The following DGKG variants were observed in gnomAD, a reference collection of about 807,000 sequenced individuals.
The protein encoded by DGKG is DAG kinase gamma.
A neutral mutation model predicts 105.3 loss-of-function variants in DGKG; 78 were observed. That is an observed-to-expected ratio of 0.74 (90% CI 0.62 to 0.89). The LOEUF (loss-of-function observed/expected upper bound fraction) is 0.89. Among genes scored for constraint, DGKG ranks in the 40% least tolerant of loss-of-function variants. The probability of loss-of-function intolerance (pLI) is 0.00; values close to 1 mark genes in which losing one functional copy is unlikely to be tolerated. For synonymous variants in DGKG, 346 were observed against 367.1 expected (o/e 0.94, Z 0.66); for missense variants, 958 against 1,020.1 (o/e 0.94, Z 0.83).
intron 1 of DGKG, among the ~76,000 whole-genome samples, chr3:186,338,147 G>A (rs1213158235): frequency 7.0e-6 from 1 of 142,400 alleles, no homozygotes; most frequent in Non-Finnish European, 1.5e-5. Context: ...TCTAGCCCAG[G>A]CAACAGAGTG....
At chr3:186,335,353 A>G (rs1024444960) in intron 1 of DGKG, among the ~76,000 whole-genome samples, 1 of 152,110 alleles carries the variant, frequency 6.6e-6, no homozygotes, top group African/African-American at 2.4e-5. Context: ...TCTACTCTCT[A>G]TGCTTCAAGT....
Position 186,251,460 on chromosome 3 carries a change from G to A in DGKG, c.1761+299C>T, listed in dbSNP as rs186275205. On this transcript the variant is annotated intron_variant, in intron 19 of 24. Transcript: ENST00000265022. ...TTATTTCTTGGTGTTGCTTTTCTACGACTGCTACAAATTGCAGAAGGAGAA... is the reference window on the plus strand; with the variant it reads ...TTATTTCTTGGTGTTGCTTTTCTACAACTGCTACAAATTGCAGAAGGAGAA... 2.4e-3 allele frequency among the ~76,000 whole-genome samples: 363 copies of A among 152,252 alleles called. 1 individual carries two copies. Among genetic ancestry groups the A allele is most frequent in the Non-Finnish European group, 4.0e-3 (274 of 68,020 alleles).
intron 22 of DGKG, among the ~76,000 whole-genome samples, chr3:186,185,544 G>A (rs570251746): frequency 3.3e-5 from 5 of 152,220 alleles, no homozygotes; most frequent in African/African-American, 7.2e-5. Flanking sequence ...GTGGAGAGTC[G>A]AAGTGGGGAG....
At chr3:186,157,677 G>A (rs1421876382) in intron 24 of DGKG, among the ~76,000 whole-genome samples, 1 of 152,104 alleles carries the variant, frequency 6.6e-6, no homozygotes, top group Non-Finnish European at 1.5e-5. Context: ...AAGTTCATTA[G>A]AATCAAGATG....
intron 1 of DGKG, among the ~76,000 whole-genome samples, chr3:186,331,016 G>A (rs1226289551): frequency 6.6e-6 from 1 of 152,174 alleles, no homozygotes. Context: ...TGCTTGAACT[G>A]CAACTTATTC....
At position 186,267,706 on chromosome 3, in the gene DGKG, G is replaced by A. The variant is rs1472038429; in HGVS notation, c.1188C>T (p.Thr396=). The change falls in exon 13 of 25, where the codon ACC becomes ACT. Residue 396 remains threonine (T), a synonymous_variant. Coordinates refer to ENST00000265022, the MANE Select transcript of DGKG (RefSeq NM_001346.3). ...GELRDHILLP[T]SICPITRDRP... is the part of the protein sequence containing the mutation. ...TTACCCGGGTGATGGGGCATATGGA[G>A]GTGGGCAGTAAGATGTGGTCTCTGA... is the stretch of plus-strand genomic sequence containing the variant. 2 of 1,614,108 alleles carry A rather than the reference G, an allele frequency of 1.2e-6. No homozygotes were observed. The highest frequency in any genetic ancestry group is 2.2e-5 in the East Asian group (1 of 44,884).
chr3:186,161,857 G>A (rs1716306178), intron 23 of DGKG, among the ~76,000 whole-genome samples, 194 bp from the exon 24 acceptor site: 1 of 152,116 alleles, frequency 6.6e-6, no homozygotes. Context: ...CAGGTCTGGG[G>A]GCCAGGCCCA....
chr3:186,341,855 T>C (rs1458029000), intron 1 of DGKG, among the ~76,000 whole-genome samples: 1 of 152,192 alleles, frequency 6.6e-6, no homozygotes, highest in Non-Finnish European at 1.5e-5. Flanking sequence ...GATGAGTTCA[T>C]GTCCTTTGTA....
chr3:186,272,079 T>C (rs1722342385), intron 11 of DGKG, among the ~76,000 whole-genome samples, 176 bp downstream of exon 11: 1 of 152,146 alleles, frequency 6.6e-6, no homozygotes, highest in Admixed American at 6.5e-5. Context: ...ACATAGTGGG[T>C]ACCAGGAAGG....
chr3:186,151,394 A>G (rs1715751918), intron 24 of DGKG, among the ~76,000 whole-genome samples: 2 of 152,242 alleles, frequency 1.3e-5, no homozygotes, highest in South Asian at 4.1e-4. Flanking sequence ...AGTTTAAATC[A>G]ATGTCGGCTA....
chr3:186,255,848 T>C (rs1303752620), intron 17 of DGKG, among the ~76,000 whole-genome samples: 1 of 152,134 alleles, frequency 6.6e-6, no homozygotes, highest in Non-Finnish European at 1.5e-5. Flanking sequence ...AGTGCTGAAA[T>C]GAGAGTGAAC....
At chr3:186,184,439 A>G (rs1395277788) in intron 22 of DGKG, among the ~76,000 whole-genome samples, 1 of 151,976 alleles carries the variant, frequency 6.6e-6, no homozygotes, top group Non-Finnish European at 1.5e-5. Flanking sequence ...AGAAAGACTA[A>G]TCTTTGATGG....
At position 186,359,452 on chromosome 3, in the gene DGKG, C is replaced by T. The variant is rs529955393; in HGVS notation, c.-249+2494G>A. Among the ~76,000 whole-genome samples, 5 of 152,202 alleles carry T rather than the reference C, an allele frequency of 3.3e-5. No individual in the cohort carries two copies. In the South Asian group the frequency reaches 8.3e-4, roughly 25 times the overall value. On this transcript the variant is annotated intron_variant, in intron 1 of 24. Coordinates refer to ENST00000265022, the MANE Select transcript of DGKG (RefSeq NM_001346.3). ...GCTACAACACTAATTCAGAAAAAAG[C>T]AGAGAACCAATAGCTACAGGGGCTC...
chr3:186,185,220 A>C (rs1717566667), intron 22 of DGKG, among the ~76,000 whole-genome samples: 1 of 152,208 alleles, frequency 6.6e-6, no homozygotes, highest in South Asian at 2.1e-4. Flanking sequence ...ATGAGATCAT[A>C]GCCCTTTCAA....
chr3:186,160,824 G>A, intron 24 of DGKG: 1 of 985,424 alleles, frequency 1.0e-6, no homozygotes, highest in Non-Finnish European at 1.2e-6. Context: ...TTCTAACTGA[G>A]GACAAACTAA....
chr3:186,158,318 A>G, intron 24 of DGKG: 3 of 907,602 alleles, frequency 3.3e-6, no homozygotes, highest in Non-Finnish European at 4.0e-6. Context: ...ACTTCCAAAT[A>G]TAGTTTAGGC....
chr3:186,186,688 G>C (rs530863579), intron 22 of DGKG, among the ~76,000 whole-genome samples: 91 of 152,326 alleles, frequency 6.0e-4, no homozygotes, highest in Non-Finnish European at 1.1e-3. Context: ...TGCTGGTATG[G>C]TGTTTCTGCC....
intron 2 of DGKG, among the ~76,000 whole-genome samples, chr3:186,317,443 A>G (rs1347957583): frequency 6.6e-6 from 1 of 151,970 alleles, no homozygotes; most frequent in Non-Finnish European, 1.5e-5. Flanking sequence ...CCTACAGGAC[A>G]TGTTTCTTAG....
rs552529516 is a variant in DGKG at position 186,312,276 on chromosome 3, A to G, written c.68-5299T>C. 9.8e-5 allele frequency among the ~76,000 whole-genome samples: 15 copies of G among 152,308 alleles called. No individual in the cohort carries two copies. The South Asian group carries it at 1.7e-3, about 17-fold the overall frequency. ...ATATGAGAGTGGAATTCTAAGGTAC[A>G]TGATAACTCTTCATTCCTCAAAGTT... On this transcript the variant is annotated intron_variant, in intron 2 of 24. Transcript: ENST00000265022.
Sources: gnomAD v4.1 joint callset for allele counts (sites outside exome capture counted in the v4.1 genomes callset) on GRCh38, gnomAD v4.1.1 for gene constraint, MANE v1.5 for transcripts, NCBI Gene and HGNC (gene_info 2026-07-23, HGNC 2026-07-21) for gene names.